Variants in RDX observed in about 807,000 individuals in gnomAD.
The protein encoded by RDX is radixin, also known as deafness, autosomal recessive 24.
A neutral mutation model predicts 83.7 loss-of-function variants in RDX; 32 were observed. The ratio of observed to expected loss-of-function variants is 0.38; its 90% CI spans 0.29 to 0.51. The LOEUF (loss-of-function observed/expected upper bound fraction) is 0.51, where lower values mean the gene tolerates loss of function less well. Ranked by LOEUF, RDX falls within the 20% of genes least tolerant of loss-of-function variation. The pLI is 0.87. For synonymous variants in RDX, 229 were observed against 222.7 expected (o/e 1.03, Z -0.25); for missense variants, 600 against 689.9 (o/e 0.87, Z 1.46).
chr11:110,255,169 G>T, intron 8 of RDX, 120 bp downstream of exon 8: 1 of 614,186 alleles, frequency 1.6e-6, no homozygotes, highest in South Asian at 2.0e-5. Context: ...CTGACCTATG[G>T]AAAGAGAATG....
chr11:110,292,399 G>A (rs1861281407), intron 1 of RDX, among the ~76,000 whole-genome samples: 1 of 152,252 alleles, frequency 6.6e-6, no homozygotes, highest in East Asian at 1.9e-4. Context: ...GAGCCCAGGA[G>A]GTCAAGGCTG....
chr11:110,284,773 T>C (rs1250091009), intron 1 of RDX, among the ~76,000 whole-genome samples: 1 of 152,086 alleles, frequency 6.6e-6, no homozygotes, highest in African/African-American at 2.4e-5. Context: ...TCCACCCGCC[T>C]CGGCCTCCCA....
At chr11:110,179,732 A>G (rs1862843289) in intron 15 of RDX, 1 of 264,160 alleles carries the variant, frequency 3.8e-6, no homozygotes, top group Non-Finnish European at 7.7e-6. Context: ...AGATCATACC[A>G]CTGTACTCCA....
intron 12 of RDX, among the ~76,000 whole-genome samples, chr11:110,235,541 G>C (rs12272133): frequency 0.013 from 1,960 of 152,114 alleles, 40 homozygotes; most frequent in African/African-American, 0.046. Flanking sequence ...AATCATATCT[G>C]ATCATGTTAC....
At chr11:110,176,523 T>C (rs1374483365) in intron 15 of RDX, among the ~76,000 whole-genome samples, 1 of 152,018 alleles carries the variant, frequency 6.6e-6, no homozygotes, top group Non-Finnish European at 1.5e-5. Context: ...CTGGGGACAT[T>C]GCCATCACCC....
intron 14 of RDX, among the ~76,000 whole-genome samples, chr11:110,217,034 A>G (rs1187896583): frequency 6.6e-6 from 1 of 152,182 alleles, no homozygotes; most frequent in East Asian, 1.9e-4. Flanking sequence ...GACGAGACAC[A>G]GTCCCCATCA....
At chr11:110,210,181 C>A (rs1283847008) in intron 14 of RDX, among the ~76,000 whole-genome samples, 2 of 125,456 alleles carry the variant, frequency 1.6e-5, no homozygotes, top group African/African-American at 3.2e-5. Flanking sequence ...TCGAGAACTA[C>A]GTGAAGAATG....
At chr11:110,283,756 G>C (rs1029554089) in intron 1 of RDX, among the ~76,000 whole-genome samples, 1 of 151,812 alleles carries the variant, frequency 6.6e-6, no homozygotes, top group Admixed American at 6.6e-5. Flanking sequence ...AAAAATTATA[G>C]TTTTGGAAGA....
At position 110,187,998 on chromosome 11, in the gene RDX, A is replaced by G. The variant is rs1565281636; in HGVS notation, c.*31+11583T>C. Among the ~76,000 whole-genome samples the G allele has an allele frequency of 2.6e-5, 4 of 152,206 alleles. No homozygotes were observed. In the South Asian group the frequency reaches 6.2e-4, roughly 24 times the overall value. On this transcript the variant is annotated intron_variant, in intron 15 of 15. Coordinates refer to the RDX transcript ENST00000528498. Reference sequence around the variant, plus strand: ...GCATAGGGCTATTCATAAAAAGAACAAAAGAATGGCATTGGCCGGGCATGG... The same window carrying G: ...GCATAGGGCTATTCATAAAAAGAACGAAAGAATGGCATTGGCCGGGCATGG...
intron 10 of RDX, among the ~76,000 whole-genome samples, chr11:110,238,872 C>T (rs995765598): frequency 6.7e-6 from 1 of 150,294 alleles, no homozygotes; most frequent in African/African-American, 2.5e-5. Flanking sequence ...CTGCAGTGAG[C>T]CAAGATTGCA....
At chr11:110,291,154 G>GT (rs1434482381) in intron 1 of RDX, among the ~76,000 whole-genome samples, 1 of 151,998 alleles carries the variant, frequency 6.6e-6, no homozygotes, top group African/African-American at 2.4e-5. Context: ...TAGTGAAACT[G>GT]TATCTCTAAA....
chr11:110,285,947 T>C (rs1048443598), intron 1 of RDX, among the ~76,000 whole-genome samples: 1 of 151,932 alleles, frequency 6.6e-6, no homozygotes, highest in Non-Finnish European at 1.5e-5. Context: ...TAATAAAAAA[T>C]AAATTGCCTA....
At chr11:110,241,886 T>C (rs75381357) in intron 10 of RDX, among the ~76,000 whole-genome samples, 2,055 of 152,294 alleles carry the variant, frequency 0.013, 106 homozygotes, top group East Asian at 0.11. Flanking sequence ...ACAACGTGGA[T>C]GAACCTTGAG....
rs1864635191 is a variant in RDX, at chr11:110,231,568, T to G, written c.*301A>C. 1 of 398,966 alleles carries G rather than the reference T, an allele frequency of 2.5e-6. No individual in the cohort carries two copies. Among genetic ancestry groups the G allele is most frequent in the African/African-American group, 2.0e-5 (1 of 49,084 alleles). The allele number at this position is 398,966 out of a possible 1,614,324, so 24.7% of individuals were successfully genotyped here. On this transcript the variant is annotated 3_prime_UTR_variant, in exon 14 of 14. Transcript: ENST00000645495. ...AACTGAAACCACACATACACATTTG[T>G]CAGACGTGATAATTAGTGTTAATCT...
chr11:110,233,721 A>G (rs1429516481), intron 12 of RDX, among the ~76,000 whole-genome samples: 1 of 152,222 alleles, frequency 6.6e-6, no homozygotes, highest in Admixed American at 6.5e-5. Flanking sequence ...AAGAAAAACA[A>G]GCATACATGC....
Position 110,253,969 on chromosome 11 carries a change from C to T in RDX, c.936G>A (p.Glu312=), listed in dbSNP as rs776354761. The stretch of plus-strand genomic sequence containing the variant: ...ACCTTTCCAACTGCTTCTGATGTTT[C>T]TCCTCCCTAGCCTGAGCCTTCATCT... The part of the protein sequence containing the change: ...VQQMKAQARE[E]KHQKQLERAQ... The change falls in exon 9 of 14, where the codon GAG becomes GAA. Residue 312 remains glutamate, a synonymous_variant. Coordinates refer to ENST00000645495, the MANE Select transcript of RDX (RefSeq NM_002906.4). The T allele has an allele frequency of 6.2e-7, 1 of 1,613,614 alleles. No individual in the cohort carries two copies. Among genetic ancestry groups the T allele is most frequent in the South Asian group, 1.1e-5 (1 of 91,060 alleles).
intron 10 of RDX, among the ~76,000 whole-genome samples, chr11:110,244,951 T>A (rs1859037044): frequency 6.6e-6 from 1 of 151,880 alleles, no homozygotes; most frequent in Admixed American, 6.6e-5. Context: ...TATTACTGTA[T>A]CTGTACTTCA....
intron 14 of RDX, chr11:110,199,755 T>G (rs2134236625): frequency 1.4e-6 from 1 of 702,350 alleles, no homozygotes. Context: ...GCAGGCTGAC[T>G]ACTTGCTCAG....
At chr11:110,282,833 C>G (rs1860818081) in intron 1 of RDX, among the ~76,000 whole-genome samples, 1 of 151,976 alleles carries the variant, frequency 6.6e-6, no homozygotes, top group South Asian at 2.1e-4. Flanking sequence ...AAAAATAAAC[C>G]AGGCATAGTA....
Sources: allele counts gnomAD v4.1 joint callset (sites outside exome capture counted in the v4.1 genomes callset), GRCh38; gene constraint gnomAD v4.1.1; transcripts MANE v1.5; gene names NCBI Gene and HGNC (gene_info 2026-07-23, HGNC 2026-07-21).